Variants in GBE1 observed in about 807,000 individuals in gnomAD.
The protein encoded by GBE1 is 1,4-alpha-glucan branching enzyme 1.
In GBE1, 70 loss-of-function variants were observed where a neutral mutation model predicts 88.8. That is an observed-to-expected ratio of 0.79 (90% CI 0.65 to 0.96). The LOEUF (loss-of-function observed/expected upper bound fraction) is 0.96. GBE1 is among the 40% of genes least tolerant of loss of function. The pLI, the probability that GBE1 is intolerant of heterozygous loss-of-function variation, is 0.00. For missense variants in GBE1, 872 were observed against 871.0 expected, an observed-to-expected ratio of 1.00 and a Z score of -0.01; for synonymous variants, 284 against 300.1, an observed-to-expected ratio of 0.95 and a Z score of 0.56.
chr3:81,535,545 T>C (rs1289379278), intron 13 of GBE1, among the ~76,000 whole-genome samples: 1 of 152,024 alleles, frequency 6.6e-6, no homozygotes, highest in Non-Finnish European at 1.5e-5. Flanking sequence ...ACCAGCCACT[T>C]GCTACCCTCA....
intron 7 of GBE1, among the ~76,000 whole-genome samples, chr3:81,594,320 A>AT (rs1369061959): frequency 6.6e-6 from 1 of 152,100 alleles, no homozygotes; most frequent in Non-Finnish European, 1.5e-5. Context: ...GCCTTATTCA[A>AT]TGCTGTGTTC....
intron 3 of GBE1, among the ~76,000 whole-genome samples, chr3:81,662,279 G>A (rs1705043012): frequency 6.6e-6 from 1 of 152,044 alleles, no homozygotes; most frequent in African/African-American, 2.4e-5. Context: ...TGATCCACCC[G>A]CCTCGGCTTC....
chr3:81,714,683 C>T (rs546435246), intron 1 of GBE1, among the ~76,000 whole-genome samples: 9 of 152,292 alleles, frequency 5.9e-5, no homozygotes, highest in African/African-American at 1.9e-4. Context: ...AGGCCAGATA[C>T]TGCATGTCTT....
chr3:81,632,115 A>G (rs192743381), intron 7 of GBE1, among the ~76,000 whole-genome samples: 12 of 152,136 alleles, frequency 7.9e-5, no homozygotes, highest in African/African-American at 2.9e-4. Flanking sequence ...AGCTTCATCC[A>G]TGCCCCTGCA....
intron 2 of GBE1, among the ~76,000 whole-genome samples, chr3:81,674,125 T>C (rs1472806251): frequency 2.6e-5 from 4 of 151,902 alleles, no homozygotes; most frequent in Non-Finnish European, 1.5e-5. Flanking sequence ...CTTGGCTCTT[T>C]CTCCAATCAT....
chr3:81,535,066 A>T, intron 14 of GBE1, 129 bp downstream of exon 14: 1 of 856,594 alleles, frequency 1.2e-6, no homozygotes, highest in Middle Eastern at 2.3e-4. Flanking sequence ...TAAGTTCCTC[A>T]TTTTTCAGAT....
At chr3:81,729,045 C>G (rs1054341044) in intron 1 of GBE1, among the ~76,000 whole-genome samples, 4 of 152,146 alleles carry the variant, frequency 2.6e-5, no homozygotes, top group African/African-American at 9.7e-5. Context: ...CAGAGATTAA[C>G]AGCCTGCCCA....
intron 1 of GBE1, among the ~76,000 whole-genome samples, chr3:81,716,977 G>A (rs1446072608): frequency 6.6e-6 from 1 of 152,156 alleles, no homozygotes; most frequent in African/African-American, 2.4e-5. Flanking sequence ...GGCCCATCTG[G>A]TCAGGCCTGG....
At chr3:81,628,764 TATATATATATA>T (rs1704457612) in intron 7 of GBE1, among the ~76,000 whole-genome samples, 1 of 126,538 alleles carries the variant, frequency 7.9e-6, no homozygotes, top group African/African-American at 3.1e-5. Context: ...TATATATATA[TATATATATATA>T]TATATATAGC....
chr3:81,728,781 A>C (rs555008191), intron 1 of GBE1, among the ~76,000 whole-genome samples: 7 of 152,258 alleles, frequency 4.6e-5, no homozygotes, highest in African/African-American at 1.7e-4. Context: ...AAATCAAATC[A>C]CTACTGCTGC....
intron 3 of GBE1, 83 bp from the exon 4 acceptor site, chr3:81,650,004 G>T: frequency 1.8e-6 from 2 of 1,082,220 alleles, no homozygotes; most frequent in Non-Finnish European, 2.7e-6. Flanking sequence ...ACTGCTACAA[G>T]TAGGAAAGGA....
intron 1 of GBE1, 71 bp downstream of exon 1, chr3:81,761,297 GGGGCGGC>G (rs1288731313): frequency 1.3e-6 from 2 of 1,508,588 alleles, no homozygotes; most frequent in East Asian, 4.9e-5. Context: ...CGAGGGCCGA[GGGGCGGC>G]CCGTGTCCCG....
chr3:81,547,053 A>C (rs1576143135), intron 12 of GBE1, among the ~76,000 whole-genome samples: 1 of 151,316 alleles, frequency 6.6e-6, no homozygotes, highest in African/African-American at 2.4e-5. Context: ...AATGAAACTA[A>C]AGAGACCCCC....
intron 1 of GBE1, among the ~76,000 whole-genome samples, chr3:81,748,581 A>AG (rs1188472856): frequency 6.6e-6 from 1 of 152,200 alleles, no homozygotes; most frequent in Non-Finnish European, 1.5e-5. Flanking sequence ...ACTGCACTCC[A>AG]GCCTGGGTGA....
rs774160163 is a variant in GBE1, at chr3:81,535,194, T to C, written c.1934+1A>G. On this transcript the variant is annotated splice_donor_variant, in intron 14 of 15. Coordinates refer to ENST00000429644, the MANE Select transcript of GBE1 (RefSeq NM_000158.4). LOFTEE classifies it high-confidence loss of function. Reference sequence around the variant, plus strand: ...ATATTCACTGGTAACAAAAAGGATATTTCCCTGGCAATGCTGTTCCAACTC... The same window carrying C: ...ATATTCACTGGTAACAAAAAGGATACTTCCCTGGCAATGCTGTTCCAACTC... The C allele has an allele frequency of 6.2e-7, 1 of 1,609,496 alleles. No individual in the cohort carries two copies. Among genetic ancestry groups the C allele is most frequent in the Non-Finnish European group, 8.5e-7 (1 of 1,177,898 alleles).
intron 1 of GBE1, among the ~76,000 whole-genome samples, chr3:81,711,746 C>A (rs1705869558): frequency 6.6e-6 from 1 of 152,130 alleles, no homozygotes; most frequent in Non-Finnish European, 1.5e-5. Flanking sequence ...TAGGCAGGGG[C>A]AAGGACTTCA....
At chr3:81,708,696 A>T (rs1316964666) in intron 1 of GBE1, among the ~76,000 whole-genome samples, 1 of 152,200 alleles carries the variant, frequency 6.6e-6, no homozygotes, top group Non-Finnish European at 1.5e-5. Context: ...AAAGACATCT[A>T]TGTATATAAT....
intron 14 of GBE1, among the ~76,000 whole-genome samples, chr3:81,517,072 G>C (rs1313998511): frequency 2.0e-5 from 3 of 151,446 alleles, no homozygotes; most frequent in Admixed American, 6.6e-5. Context: ...CTCTAATTTT[G>C]AAAGAGTTCT....
At position 81,539,339 on chromosome 3, in the gene GBE1, A is replaced by G. The variant is rs115140101; in HGVS notation, c.1619-2244T>C. ...TCAGAGTGAGAAAGTGAGATGTAGT[A>G]AAAAGTTCAGTTTAGCCACAAAATA... is the stretch of plus-strand genomic sequence containing the variant. On this transcript the variant is annotated intron_variant, in intron 12 of 15. Coordinates refer to ENST00000429644, the MANE Select transcript of GBE1 (RefSeq NM_000158.4). Among the ~76,000 whole-genome samples, 756 of 152,114 alleles carry G rather than the reference A, an allele frequency of 5.0e-3. 8 individuals are homozygous for G. The highest frequency in any genetic ancestry group is 4.8e-3 in the Non-Finnish European group (326 of 67,938).
Sources: gnomAD v4.1 joint callset for allele counts (sites outside exome capture counted in the v4.1 genomes callset) on GRCh38, gnomAD v4.1.1 for gene constraint, MANE v1.5 for transcripts, NCBI Gene and HGNC (gene_info 2026-07-23, HGNC 2026-07-21) for gene names.